The following IRAG1 variants were observed in gnomAD, a reference collection of about 807,000 sequenced individuals.
The protein encoded by IRAG1 is inositol 1,4,5-triphosphate receptor associated 1.
A neutral mutation model predicts 106.2 loss-of-function variants in IRAG1; 62 were observed. The observed-to-expected ratio is 0.58, with a 90% confidence interval of 0.48 to 0.72. IRAG1 has a LOEUF of 0.72. IRAG1 is among the 30% of genes least tolerant of loss of function. IRAG1 has a pLI of 0.00. For missense variants in IRAG1, 1,064 were observed against 1,140.7 expected (o/e 0.93, Z 0.97); for synonymous variants, 462 against 443.9 (o/e 1.04, Z -0.51).
chr11:10,617,546 C>G (rs1047230430), intron 10 of IRAG1, among the ~76,000 whole-genome samples: 5 of 152,188 alleles, frequency 3.3e-5, no homozygotes, highest in African/African-American at 9.7e-5. Context: ...TGAAGCTCAG[C>G]TGAGTTAAAG....
At chr11:10,692,615 ACT>A (rs1306239032) in intron 1 of IRAG1, among the ~76,000 whole-genome samples, 1 of 151,998 alleles carries the variant, frequency 6.6e-6, no homozygotes, top group Non-Finnish European at 1.5e-5. Context: ...CCTGCAAAAG[ACT>A]CTGCTCAGAC....
In IRAG1 at chr11:10,604,652, C is replaced by CCGCCAAAG. The variant is rs1854327529; in HGVS notation, c.1603-115_1603-108dup. ...CGTTTTGCAACGGCCCCTGGAACAGCCGCCAAAGCACCAAAGCAGCCATGT... is the reference window on the plus strand; with the variant it reads ...CGTTTTGCAACGGCCCCTGGAACAGCCGCCAAAGCGCCAAAGCACCAAAGCAGCCATGT... On this transcript the variant is annotated intron_variant, in intron 12 of 20. Coordinates refer to ENST00000423302, the MANE Select transcript of IRAG1 (RefSeq NM_130385.4). 3.0e-6 allele frequency: 4 copies of CCGCCAAAG among 1,338,066 alleles called. No homozygotes were observed. In the Admixed American group the frequency reaches 5.8e-5, roughly 19 times the overall value. The allele number at this position is 1,338,066 out of a possible 1,614,324, so 82.9% of individuals were successfully genotyped here.
At chr11:10,682,497 AG>A (rs368177000) in intron 1 of IRAG1, among the ~76,000 whole-genome samples, 1 of 152,308 alleles carries the variant, frequency 6.6e-6, no homozygotes, top group African/African-American at 2.4e-5. Flanking sequence ...CCTGAGAAAT[AG>A]TCTTCCTCTA....
Position 10,578,326 on chromosome 11 carries a change from G to C in IRAG1, c.2496-1751C>G, listed in dbSNP as rs756366562. 3.6e-4 allele frequency among the ~76,000 whole-genome samples: 55 copies of C among 152,182 alleles called. 1 individual carries two copies. Among genetic ancestry groups the C allele is most frequent in the Non-Finnish European group, 4.4e-5 (3 of 68,030 alleles). ...GGAGAAAAGACAAAAGTTTTATCTT[G>C]TCCCTTATGAGTCTCACTTGTTCAA... On this transcript the variant is annotated intron_variant, in intron 20 of 20. Transcript: ENST00000423302.
chr11:10,580,219 T>A (rs1238494363), intron 20 of IRAG1, among the ~76,000 whole-genome samples: 1 of 152,230 alleles, frequency 6.6e-6, no homozygotes, highest in Admixed American at 6.5e-5. Context: ...TTCCCATGAC[T>A]GCCCCTGACC....
intron 9 of IRAG1, among the ~76,000 whole-genome samples, chr11:10,625,632 A>G (rs2134563783): frequency 6.6e-6 from 1 of 151,992 alleles, no homozygotes; most frequent in Non-Finnish European, 1.5e-5. Context: ...TGAGCCACTG[A>G]CTCCGGTTGG....
intron 1 of IRAG1, among the ~76,000 whole-genome samples, chr11:10,670,479 C>A (rs1564937341): frequency 6.6e-6 from 1 of 152,162 alleles, no homozygotes; most frequent in African/African-American, 2.4e-5. Context: ...AGGTCACTGT[C>A]ATTTGGTGGT....
In IRAG1 at chr11:10,608,593, C is replaced by A. The variant is rs929724321; in HGVS notation, c.1571+1135G>T. Among the ~76,000 whole-genome samples the A allele has an allele frequency of 2.0e-5, 3 of 152,134 alleles. No homozygotes were observed. In the East Asian group the frequency reaches 5.8e-4, roughly 29 times the overall value. On this transcript the variant is annotated intron_variant, in intron 11 of 20. Transcript: ENST00000423302. Reference sequence around the variant, plus strand: ...AGGTACCCGGGGGCAGAGCTGTGAGCCTCTAAAAGGACACAGCATCTTTTT... The same window carrying A: ...AGGTACCCGGGGGCAGAGCTGTGAGACTCTAAAAGGACACAGCATCTTTTT...
At chr11:10,604,711 A>G (rs921390624) in intron 12 of IRAG1, among the ~76,000 whole-genome samples, 166 bp from the exon 13 acceptor site, 1 of 152,378 alleles carries the variant, frequency 6.6e-6, no homozygotes, top group Middle Eastern at 3.4e-3. Flanking sequence ...GGAAACCACA[A>G]AAAAGATGGT....
chr11:10,660,534 C>T (rs1418202068), intron 1 of IRAG1, among the ~76,000 whole-genome samples: 2 of 152,126 alleles, frequency 1.3e-5, no homozygotes, highest in Admixed American at 6.5e-5. Context: ...GAGAGCTGGC[C>T]GTGGAACATT....
intron 10 of IRAG1, among the ~76,000 whole-genome samples, chr11:10,611,969 A>C (rs924160192): frequency 6.6e-6 from 1 of 152,222 alleles, no homozygotes; most frequent in Non-Finnish European, 1.5e-5. Context: ...GAGGAAAGGC[A>C]GAATGATCGC....
intron 2 of IRAG1, among the ~76,000 whole-genome samples, chr11:10,638,864 AT>A (rs761713919): frequency 2.0e-5 from 3 of 152,184 alleles, no homozygotes; most frequent in South Asian, 2.1e-4. Context: ...GCATATATCC[AT>A]TTCTAACAGT....
chr11:10,680,426 A>G (rs1861133830), intron 1 of IRAG1, among the ~76,000 whole-genome samples: 1 of 144,036 alleles, frequency 6.9e-6, no homozygotes, highest in Non-Finnish European at 1.5e-5. Flanking sequence ...AAAGAAAGAA[A>G]GAGAGGGAAG....
intron 2 of IRAG1, among the ~76,000 whole-genome samples, chr11:10,650,256 G>A (rs1435888307): frequency 2.6e-5 from 4 of 152,054 alleles, no homozygotes; most frequent in African/African-American, 9.7e-5. Flanking sequence ...AGGTGTCTAT[G>A]TTGTCTTGTT....
chr11:10,646,269 G>C (rs1360526971), intron 2 of IRAG1, among the ~76,000 whole-genome samples: 5 of 152,134 alleles, frequency 3.3e-5, no homozygotes, highest in Non-Finnish European at 4.4e-5. Flanking sequence ...ACAGACTTTG[G>C]GAGTGTGGAA....
At chr11:10,625,358 C>A (rs1856159581) in intron 9 of IRAG1, among the ~76,000 whole-genome samples, 1 of 152,084 alleles carries the variant, frequency 6.6e-6, no homozygotes, top group Non-Finnish European at 1.5e-5. Context: ...CTGGATGCCC[C>A]CAATCATACC....
At chr11:10,692,385 C>T (rs1056098109) in intron 1 of IRAG1, among the ~76,000 whole-genome samples, 1 of 152,180 alleles carries the variant, frequency 6.6e-6, no homozygotes, top group Non-Finnish European at 1.5e-5. Flanking sequence ...GGGTTTGAGT[C>T]CTAGCTCCGC....
Position 10,651,019 on chromosome 11 carries a change from T to A in IRAG1, c.225+1006A>T, listed in dbSNP as rs560280926. Among the ~76,000 whole-genome samples the A allele has an allele frequency of 1.8e-3, 276 of 152,340 alleles. 2 individuals carry two copies. Among genetic ancestry groups the A allele is most frequent in the African/African-American group, 6.4e-3 (265 of 41,576 alleles). On this transcript the variant is annotated intron_variant, in intron 2 of 20. Transcript: ENST00000423302. ...TAAAAATAATGCTCCACTTATAGAT[T>A]CTTCCCTCACTTAAAAAGCGTCTAT... is the stretch of plus-strand genomic sequence containing the variant.
intron 15 of IRAG1, among the ~76,000 whole-genome samples, chr11:10,597,102 A>C (rs1853401869): frequency 1.3e-5 from 2 of 152,212 alleles, no homozygotes; most frequent in Non-Finnish European, 2.9e-5. Flanking sequence ...CACCAAAGCA[A>C]ATCCCATGGC....
Sources: gnomAD v4.1 joint callset for allele counts (sites outside exome capture counted in the v4.1 genomes callset) on GRCh38, gnomAD v4.1.1 for gene constraint, MANE v1.5 for transcripts, NCBI Gene and HGNC (gene_info 2026-07-23, HGNC 2026-07-21) for gene names.